The following CSMD2 variants were observed in gnomAD, a reference collection of about 807,000 sequenced individuals.
CSMD2 encodes CUB and Sushi multiple domains 2.
In CSMD2, 130 loss-of-function variants were observed where a neutral mutation model predicts 398.5. The observed-to-expected ratio is 0.33, with a 90% CI of 0.28 to 0.38. The LOEUF (loss-of-function observed/expected upper bound fraction) is 0.38. Among genes scored for constraint, CSMD2 ranks in the 10% least tolerant of loss-of-function variants. CSMD2 has a pLI of 1.00. For synonymous variants in CSMD2, 1,828 were observed against 1,908.5 expected, an observed-to-expected ratio of 0.96 and a Z score of 1.10; for missense variants, 3,829 against 4,764.9, an observed-to-expected ratio of 0.80 and a Z score of 5.78.
intron 3 of CSMD2, among the ~76,000 whole-genome samples, chr1:33,981,203 C>T (rs1167177713): frequency 4.6e-5 from 7 of 152,176 alleles, no homozygotes; most frequent in Admixed American, 2.6e-4. Context: ...TCCTTACTCC[C>T]GGTTGTTTGC....
rs769727125 is a variant in CSMD2, at chr1:33,525,024, G to T, written c.10254C>A (p.Ala3418=). 1 of 1,614,062 alleles carries T rather than the reference G, an allele frequency of 6.2e-7. No individual in the cohort carries two copies. Residue 3418 remains alanine (A), a synonymous_variant, in exon 66 of 71, where the codon GCC becomes GCA. Coordinates refer to ENST00000373381, the MANE Select transcript of CSMD2 (RefSeq NM_001281956.2). ...TQALIPGDVF[A]KNSLWKGAYE... ...AGGCCCCTTTCCACAGGGAATTCTT[G>T]GCAAAAACATCCCCAGGAACTAGAG...
At chr1:33,856,153 T>C (rs1015253371) in intron 5 of CSMD2, among the ~76,000 whole-genome samples, 6 of 152,196 alleles carry the variant, frequency 3.9e-5, no homozygotes, top group Non-Finnish European at 7.4e-5. Flanking sequence ...TGAACTATTT[T>C]CCCCCTGCCT....
chr1:33,565,811 C>G (rs1659003220), intron 53 of CSMD2, among the ~76,000 whole-genome samples: 1 of 151,894 alleles, frequency 6.6e-6, no homozygotes, highest in African/African-American at 2.4e-5. Context: ...AAATCAAAAA[C>G]TAAACAGCAC....
intron 25 of CSMD2, among the ~76,000 whole-genome samples, chr1:33,675,512 C>T (rs1487435937): frequency 6.6e-6 from 1 of 152,150 alleles, no homozygotes; most frequent in Non-Finnish European, 1.5e-5. Context: ...GATTCACAGC[C>T]GAATTCTACC....
At chr1:33,706,408 TC>T (rs532759336) in intron 22 of CSMD2, among the ~76,000 whole-genome samples, 92 of 152,380 alleles carry the variant, frequency 6.0e-4, no homozygotes, top group Non-Finnish European at 1.1e-3. Context: ...ATCATGTTTT[TC>T]ATCTCTATTC....
At chr1:34,053,800 A>G (rs1004475472) in intron 2 of CSMD2, among the ~76,000 whole-genome samples, 3 of 152,192 alleles carry the variant, frequency 2.0e-5, no homozygotes, top group Non-Finnish European at 2.9e-5. Context: ...ACTAGCTTCA[A>G]CAAGGCACTT....
chr1:34,004,399 T>G (rs1290133327), intron 3 of CSMD2, among the ~76,000 whole-genome samples: 1 of 152,228 alleles, frequency 6.6e-6, no homozygotes, highest in East Asian at 1.9e-4. Flanking sequence ...GACATTCTCA[T>G]TGGCATCTAG....
At chr1:33,688,358 T>C (rs1464558148) in intron 25 of CSMD2, among the ~76,000 whole-genome samples, 2 of 152,234 alleles carry the variant, frequency 1.3e-5, no homozygotes, top group Non-Finnish European at 2.9e-5. Flanking sequence ...ACATGTGCAT[T>C]ACATTTGCTT....
intron 4 of CSMD2, among the ~76,000 whole-genome samples, chr1:33,919,345 G>T (rs1277643147): frequency 6.6e-6 from 1 of 152,194 alleles, no homozygotes; most frequent in Non-Finnish European, 1.5e-5. Flanking sequence ...GCAGAAGTGG[G>T]TATGTCTGTG....
chr1:34,027,638 C>A (rs948002447), intron 3 of CSMD2, among the ~76,000 whole-genome samples: 3 of 152,226 alleles, frequency 2.0e-5, no homozygotes, highest in Admixed American at 6.5e-5. Context: ...ACCACAATGG[C>A]TTCCTCAGTG....
At chr1:34,095,495 A>C (rs2148392253) in intron 1 of CSMD2, among the ~76,000 whole-genome samples, 1 of 151,552 alleles carries the variant, frequency 6.6e-6, no homozygotes, top group East Asian at 1.9e-4. Context: ...AGGATCAACA[A>C]AATAGATAGA....
chr1:33,706,692 G>C (rs1645788931), intron 22 of CSMD2, among the ~76,000 whole-genome samples: 2 of 152,150 alleles, frequency 1.3e-5, no homozygotes, highest in Admixed American at 1.3e-4. Context: ...ACACTCAGCA[G>C]TCTCTAAGGG....
intron 4 of CSMD2, among the ~76,000 whole-genome samples, chr1:33,935,014 A>T (rs1474141069): frequency 1.4e-4 from 17 of 123,480 alleles, no homozygotes; most frequent in African/African-American, 2.0e-4. Context: ...AAATAAAATT[A>T]AAAAAAAAAA....
chr1:33,624,742 C>T lies in CSMD2; in HGVS notation c.5501-99G>A, dbSNP rs1641996053. The T allele has an allele frequency of 1.4e-6, 2 of 1,474,820 alleles. No individual in the cohort carries two copies. The highest frequency in any genetic ancestry group is 2.1e-5 in the Admixed American group (1 of 48,334). 91.4% of individuals were successfully genotyped at this position (1,474,820 alleles called of 1,614,324 possible). A position where few individuals can be genotyped will look rare whatever the true frequency, so the allele number is the denominator to read the frequency against. On this transcript the variant is annotated intron_variant, in intron 34 of 70. Coordinates refer to ENST00000373381, the MANE Select transcript of CSMD2 (RefSeq NM_001281956.2). The surrounding 1 kb of genome is among the most constrained non-coding windows in gnomAD (Gnocchi z 4.7). ...ATGGCCCCCAGCCTCTGTTTGTCCT[C>T]CTCCCCATGGGGGTGTCTCCCTAAT... is the stretch of plus-strand genomic sequence containing the variant.
rs112750501 is a variant in CSMD2 at position 33,879,194 on chromosome 1, A to G, written c.921-32198T>C. Among the ~76,000 whole-genome samples the G allele has an allele frequency of 5.5e-3, 832 of 152,290 alleles. 8 individuals carry two copies. Among genetic ancestry groups the G allele is most frequent in the African/African-American group, 0.019 (785 of 41,574 alleles). On this transcript the variant is annotated intron_variant, in intron 5 of 70. Coordinates refer to ENST00000373381, the MANE Select transcript of CSMD2 (RefSeq NM_001281956.2). ...GACAATTGTCTCCAGCAGGAAATTC[A>G]TTATGAGCCCCTTTTCCACTTGTCG... is the stretch of plus-strand genomic sequence containing the variant.
At chr1:33,586,827 T>C (rs1639113145) in intron 45 of CSMD2, among the ~76,000 whole-genome samples, 1 of 152,208 alleles carries the variant, frequency 6.6e-6, no homozygotes, top group African/African-American at 2.4e-5. Flanking sequence ...TCCAGGACAT[T>C]TTATACTGTC....
chr1:33,825,607 C>T, intron 7 of CSMD2, 90 bp downstream of exon 7: 1 of 1,139,196 alleles, frequency 8.8e-7, no homozygotes, highest in Non-Finnish European at 1.3e-6. Context: ...AAAGTCATTC[C>T]AGCATCATCT....
chr1:33,614,885 C>T (rs1641285454), intron 39 of CSMD2, among the ~76,000 whole-genome samples: 3 of 152,226 alleles, frequency 2.0e-5, no homozygotes, highest in African/African-American at 4.8e-5. Flanking sequence ...ATGCCCTTCA[C>T]AGGTCAGTTC....
At chr1:33,705,836 T>G (rs549778743) in intron 22 of CSMD2, among the ~76,000 whole-genome samples, 1 of 152,004 alleles carries the variant, frequency 6.6e-6, no homozygotes, top group Non-Finnish European at 1.5e-5. Flanking sequence ...TAATCTCTCC[T>G]ATATCTTTGA....
Sources: allele counts gnomAD v4.1 joint callset (sites outside exome capture counted in the v4.1 genomes callset), GRCh38; gene constraint gnomAD v4.1.1; non-coding constraint Gnocchi (gnomAD v3.1); transcripts MANE v1.5; gene names NCBI Gene and HGNC (gene_info 2026-07-23, HGNC 2026-07-21).